The following LUZP2 variants were observed in gnomAD, a reference collection of about 807,000 sequenced individuals.
LUZP2 encodes leucine zipper protein 2.
LUZP2 carries 52 observed loss-of-function variants against 51.6 expected under a neutral mutation model. The ratio of observed to expected loss-of-function variants is 1.01; its 90% CI spans 0.81 to 1.27. The LOEUF (loss-of-function observed/expected upper bound fraction) is 1.27. Ranked by LOEUF, LUZP2 falls within the 50% of genes most tolerant of loss-of-function variation. LUZP2 has a pLI of 0.00. For missense variants in LUZP2, 436 were observed against 395.4 expected, an observed-to-expected ratio of 1.10 and a Z score of -0.87; for synonymous variants, 154 against 137.3, an observed-to-expected ratio of 1.12 and a Z score of -0.85.
chr11:24,582,690 A>G (rs1852911138), intron 1 of LUZP2, among the ~76,000 whole-genome samples: 1 of 152,132 alleles, frequency 6.6e-6, no homozygotes, highest in African/African-American at 2.4e-5. Context: ...GAAATGTGCA[A>G]CTATCACTCA....
chr11:25,023,094 T>C (rs1261707586), intron 9 of LUZP2, among the ~76,000 whole-genome samples: 2 of 152,116 alleles, frequency 1.3e-5, no homozygotes, highest in Non-Finnish European at 2.9e-5. Context: ...ATCAGGGAAA[T>C]TGGTCTGAAA....
intron 1 of LUZP2, among the ~76,000 whole-genome samples, chr11:24,591,666 G>T (rs971762066): frequency 6.6e-6 from 1 of 152,002 alleles, no homozygotes; most frequent in Non-Finnish European, 1.5e-5. Flanking sequence ...TCAATTGTAC[G>T]ACCTTGAGCA....
intron 6 of LUZP2, among the ~76,000 whole-genome samples, chr11:24,913,680 T>G (rs2133800579): frequency 6.6e-6 from 1 of 152,050 alleles, no homozygotes; most frequent in South Asian, 2.1e-4. Flanking sequence ...TGTGTGTGTG[T>G]GTGTGTGTGT....
chr11:24,754,352 G>T (rs1023798865), intron 4 of LUZP2, among the ~76,000 whole-genome samples: 2 of 150,148 alleles, frequency 1.3e-5, no homozygotes, highest in African/African-American at 2.4e-5. Flanking sequence ...CACCTTTCTG[G>T]GATGAGTTCT....
chr11:24,738,100 T>A (rs1016148615), intron 3 of LUZP2, 121 bp from the exon 4 acceptor site: 1 of 573,362 alleles, frequency 1.7e-6, no homozygotes, highest in East Asian at 2.9e-5. Flanking sequence ...TGTGGCTTTA[T>A]GCACTTCTAG....
chr11:24,574,570 A>G (rs1173834255), intron 1 of LUZP2, among the ~76,000 whole-genome samples: 1 of 152,048 alleles, frequency 6.6e-6, no homozygotes, highest in Non-Finnish European at 1.5e-5. Context: ...GACTTTATTT[A>G]AAACTACTAC....
chr11:24,522,755 T>G (rs1309892072), intron 1 of LUZP2, among the ~76,000 whole-genome samples: 4 of 152,120 alleles, frequency 2.6e-5, no homozygotes, highest in African/African-American at 9.6e-5. Context: ...CTTGTTATTT[T>G]AAATCCGATT....
intron 1 of LUZP2, among the ~76,000 whole-genome samples, chr11:24,619,213 T>C (rs1057192430): frequency 3.3e-5 from 5 of 152,088 alleles, no homozygotes; most frequent in Non-Finnish European, 7.4e-5. Flanking sequence ...TCTTTATTTC[T>C]TGTAGAGACA....
intron 1 of LUZP2, among the ~76,000 whole-genome samples, chr11:24,505,995 C>G (rs755754881): frequency 1.4e-4 from 21 of 152,070 alleles, no homozygotes; most frequent in Non-Finnish European, 2.2e-4. Context: ...AGATTACCTA[C>G]AGGTGGCAGG....
At position 24,503,967 on chromosome 11, in the gene LUZP2, G is replaced by T. The variant is rs1048965119; in HGVS notation, c.62+6662G>T. Among the ~76,000 whole-genome samples, 66 of 152,162 alleles carry T rather than the reference G, an allele frequency of 4.3e-4. 1 individual carries two copies. Among genetic ancestry groups the T allele is most frequent in the African/African-American group, 1.4e-3 (58 of 41,442 alleles). On this transcript the variant is annotated intron_variant, in intron 1 of 11. Transcript: ENST00000336930. ...ACAGTAATAAGCAGTTGAACATCCTGTGTTTAGTAGATTTTTGAAGAATGA... is the reference window on the plus strand; with the variant it reads ...ACAGTAATAAGCAGTTGAACATCCTTTGTTTAGTAGATTTTTGAAGAATGA...
At chr11:24,965,654 T>C (rs536636203) in intron 7 of LUZP2, among the ~76,000 whole-genome samples, 1 of 151,944 alleles carries the variant, frequency 6.6e-6, no homozygotes, top group Non-Finnish European at 1.5e-5. Flanking sequence ...ATGATAATTT[T>C]ACATATAAAT....
chr11:25,051,118 G>A (rs906375232), intron 10 of LUZP2, among the ~76,000 whole-genome samples: 7 of 151,794 alleles, frequency 4.6e-5, no homozygotes, highest in African/African-American at 1.7e-4. Flanking sequence ...ATGATAAGGA[G>A]GAATAGAAAA....
At chr11:24,925,461 G>C (rs1854198223) in intron 7 of LUZP2, among the ~76,000 whole-genome samples, 1 of 152,122 alleles carries the variant, frequency 6.6e-6, no homozygotes. Flanking sequence ...AGAAACAAGA[G>C]AAAGTAAATT....
chr11:24,975,986 G>A (rs191971361), intron 7 of LUZP2, among the ~76,000 whole-genome samples: 94 of 152,100 alleles, frequency 6.2e-4, no homozygotes, highest in Non-Finnish European at 1.2e-4. Flanking sequence ...AGAGTAAGGT[G>A]TCCATATATT....
rs546706684 is a variant in LUZP2 at position 24,923,415 on chromosome 11, G to A, written c.522+8877G>A. On this transcript the variant is annotated intron_variant, in intron 7 of 11. Coordinates refer to ENST00000336930, the MANE Select transcript of LUZP2 (RefSeq NM_001009909.4). ...AGCCATAGCTACAAAGACAGGATTCGGCTGGGCGCGGTGTCTCACGCCTGT... is the reference window on the plus strand; with the variant it reads ...AGCCATAGCTACAAAGACAGGATTCAGCTGGGCGCGGTGTCTCACGCCTGT... 9.9e-5 allele frequency among the ~76,000 whole-genome samples: 15 copies of A among 152,048 alleles called. No homozygotes were observed. The East Asian group carries it at 2.2e-3, about 22-fold the overall frequency.
chr11:24,836,243 G>A (rs940405622), intron 5 of LUZP2, among the ~76,000 whole-genome samples: 5 of 151,824 alleles, frequency 3.3e-5, no homozygotes, highest in African/African-American at 1.2e-4. Context: ...TTCATAGCAA[G>A]AGTCTAGCTC....
At chr11:25,050,410 T>C (rs565560913) in intron 10 of LUZP2, among the ~76,000 whole-genome samples, 5 of 142,794 alleles carry the variant, frequency 3.5e-5, no homozygotes, top group African/African-American at 1.3e-4. Flanking sequence ...GTTCACGCCA[T>C]TCTCCTGCCT....
At chr11:24,682,486 C>T (rs533568509) in intron 1 of LUZP2, among the ~76,000 whole-genome samples, 55 of 123,768 alleles carry the variant, frequency 4.4e-4, no homozygotes, top group Admixed American at 6.5e-4. Context: ...CAGAGCAAGA[C>T]TCCACCTTGG....
chr11:25,028,441 A>G (rs1292540854), intron 9 of LUZP2, among the ~76,000 whole-genome samples: 2 of 152,176 alleles, frequency 1.3e-5, no homozygotes, highest in East Asian at 3.9e-4. Flanking sequence ...GGTGTATATA[A>G]TAATGAAGGA....
Sources: gnomAD v4.1 joint callset for allele counts (sites outside exome capture counted in the v4.1 genomes callset) on GRCh38, gnomAD v4.1.1 for gene constraint, MANE v1.5 for transcripts, NCBI Gene and HGNC (gene_info 2026-07-23, HGNC 2026-07-21) for gene names.